The following ERO1B variants were observed in gnomAD, a reference collection of about 807,000 sequenced individuals.
ERO1B encodes the protein ERO1-like protein beta.
In ERO1B, 49 loss-of-function variants were observed where a neutral mutation model predicts 75.3. That is an observed-to-expected ratio of 0.65 (90% CI 0.52 to 0.83). The LOEUF (loss-of-function observed/expected upper bound fraction) is 0.83, where lower values mean the gene tolerates loss of function less well. Ranked by LOEUF, ERO1B falls within the 40% of genes least tolerant of loss-of-function variation. The pLI is 0.00. For missense variants in ERO1B, 512 were observed against 560.1 expected (o/e 0.91, Z 0.87); for synonymous variants, 191 against 192.9 (o/e 0.99, Z 0.08).
At chr1:236,268,778 C>T (rs1431635123) in intron 2 of ERO1B, among the ~76,000 whole-genome samples, 4 of 151,710 alleles carry the variant, frequency 2.6e-5, no homozygotes, top group African/African-American at 4.8e-5. Context: ...CCCAGCTACT[C>T]GGGAGCCTGA....
At chr1:236,252,587 A>G (rs1665055677) in intron 3 of ERO1B, among the ~76,000 whole-genome samples, 1 of 152,198 alleles carries the variant, frequency 6.6e-6, no homozygotes, top group African/African-American at 2.4e-5. Flanking sequence ...GGGTTTACCA[A>G]TGGGAGAAGT....
chr1:236,269,836 T>C (rs112602581), intron 2 of ERO1B, 39 bp downstream of exon 2: 2 of 33,978 alleles, frequency 5.9e-5, no homozygotes, highest in Non-Finnish European at 5.6e-5. Flanking sequence ...TCACATATAA[T>C]ACCTTTGATA....
In ERO1B at chr1:236,253,500, A is replaced by G. The variant is rs776536158; in HGVS notation, c.228T>C (p.Asn76=). The G allele has an allele frequency of 3.7e-6, 6 of 1,603,670 alleles. No individual in the cohort carries two copies. The highest frequency in any genetic ancestry group is 5.1e-6 in the Non-Finnish European group (6 of 1,172,962). The change falls in exon 3 of 16, where the codon AAT becomes AAC. Residue 76 remains asparagine (N), a synonymous_variant. Coordinates refer to ENST00000354619, the MANE Select transcript of ERO1B (RefSeq NM_019891.4). ...CCCAGAAAGGACAAGGTCGCTTCAG[A>G]TTAACCTTGAAAGAAAGAACAAAGT... ...ERDYFRYYKV[N]LKRPCPFWAE...
intron 1 of ERO1B, among the ~76,000 whole-genome samples, chr1:236,273,747 A>G (rs894525420): frequency 6.7e-6 from 1 of 149,542 alleles, no homozygotes; most frequent in African/African-American, 2.5e-5. Context: ...TCGAGGTTGC[A>G]GTGAGCCAAA....
chr1:236,274,175 C>T (rs549354621), intron 1 of ERO1B, among the ~76,000 whole-genome samples: 2 of 151,802 alleles, frequency 1.3e-5, no homozygotes, highest in African/African-American at 2.4e-5. Flanking sequence ...GTAGAGACAG[C>T]GTTTCACCAT....
chr1:236,233,795 C>T (rs988793236), intron 8 of ERO1B, among the ~76,000 whole-genome samples: 1 of 152,132 alleles, frequency 6.6e-6, no homozygotes, highest in African/African-American at 2.4e-5. Flanking sequence ...TACTGCTCCT[C>T]AGCAGAGACA....
At chr1:236,270,032 TG>T in intron 1 of ERO1B, 38 bp from the exon 2 acceptor site, 6 of 1,404,910 alleles carry the variant, frequency 4.3e-6, no homozygotes, top group Non-Finnish European at 4.9e-6. Context: ...AAACTACTGA[TG>T]TTTCAACCTT....
rs1371280273 is a variant in ERO1B at position 236,218,301 on chromosome 1, AACTT to A, written c.*211_*214del. The A allele has an allele frequency of 7.3e-6, 2 of 275,354 alleles. No individual in the cohort carries two copies. Among genetic ancestry groups the A allele is most frequent in the African/African-American group, 2.2e-5 (1 of 45,092 alleles). 17.1% of individuals were successfully genotyped at this position (275,354 alleles called of 1,614,324 possible). ...ATGAAATTAAACACAAAATTAGTATAACTTACATGTTTTAAAAGTATATACTTCA... is the reference window on the plus strand; with the variant it reads ...ATGAAATTAAACACAAAATTAGTATAACATGTTTTAAAAGTATATACTTCA... On this transcript the variant is annotated 3_prime_UTR_variant, in exon 16 of 16. Transcript: ENST00000354619.
chr1:236,251,764 A>C (rs1665035600), intron 4 of ERO1B, among the ~76,000 whole-genome samples: 1 of 152,182 alleles, frequency 6.6e-6, no homozygotes, highest in African/African-American at 2.4e-5. Flanking sequence ...AGAAGACTAA[A>C]AATAGCTATG....
intron 4 of ERO1B, among the ~76,000 whole-genome samples, chr1:236,250,389 T>C (rs1462496307): frequency 4.6e-5 from 7 of 151,826 alleles, no homozygotes; most frequent in Non-Finnish European, 1.0e-4. Context: ...GGAGAATTGC[T>C]TGAACCTGGG....
intron 6 of ERO1B, among the ~76,000 whole-genome samples, chr1:236,239,762 G>A (rs1664636084): frequency 6.9e-6 from 1 of 145,410 alleles, no homozygotes; most frequent in South Asian, 2.2e-4. Context: ...TCATGAAGTT[G>A]AACTAGTGTT....
chr1:236,277,521 C>A (rs143613477), intron 1 of ERO1B, among the ~76,000 whole-genome samples: 1 of 151,956 alleles, frequency 6.6e-6, no homozygotes. Context: ...TGTCCATGAG[C>A]GGCAAACAAG....
At chr1:236,278,884 C>A (rs1665763970) in intron 1 of ERO1B, among the ~76,000 whole-genome samples, 1 of 152,162 alleles carries the variant, frequency 6.6e-6, no homozygotes, top group Non-Finnish European at 1.5e-5. Flanking sequence ...CCTTTAATGA[C>A]TTTGATTTCT....
intron 10 of ERO1B, among the ~76,000 whole-genome samples, chr1:236,228,570 G>C (rs548517055): frequency 6.6e-6 from 1 of 152,236 alleles, no homozygotes; most frequent in Non-Finnish European, 1.5e-5. Flanking sequence ...ACACAATTTA[G>C]AAAATGGTTC....
chr1:236,221,607 C>A (rs906263943), intron 14 of ERO1B, among the ~76,000 whole-genome samples: 1 of 152,062 alleles, frequency 6.6e-6, no homozygotes. Context: ...TACATTTTAC[C>A]TTTCTATATA....
intron 5 of ERO1B, among the ~76,000 whole-genome samples, chr1:236,245,622 G>A (rs1436466370): frequency 1.0e-5 from 1 of 95,796 alleles, no homozygotes; most frequent in East Asian, 3.5e-4. Context: ...GTTTTACTCT[G>A]TCACCCAGGC....
chr1:236,262,819 A>G (rs1377997279), intron 2 of ERO1B, among the ~76,000 whole-genome samples: 1 of 152,170 alleles, frequency 6.6e-6, no homozygotes, highest in Non-Finnish European at 1.5e-5. Flanking sequence ...ATCACCCTTC[A>G]GGAATAAAGG....
At chr1:236,250,598 TATA>T (rs1261264096) in intron 4 of ERO1B, among the ~76,000 whole-genome samples, 24 of 62,598 alleles carry the variant, frequency 3.8e-4, no homozygotes, top group African/African-American at 1.4e-3. Flanking sequence ...TATATATATA[TATA>T]TATATATATA....
intron 9 of ERO1B, 22 bp from the exon 10 acceptor site, chr1:236,230,272 A>AT: frequency 6.4e-7 from 1 of 1,565,236 alleles, no homozygotes. Context: ...AGAAAAGTGG[A>AT]TTAAAACATT....
Sources: allele counts gnomAD v4.1 joint callset (sites outside exome capture counted in the v4.1 genomes callset), GRCh38; gene constraint gnomAD v4.1.1; transcripts MANE v1.5; gene names NCBI Gene and HGNC (gene_info 2026-07-23, HGNC 2026-07-21).